Variants in SPATA18 observed in about 807,000 individuals in gnomAD.
SPATA18 encodes the protein mitochondria-eating protein.
A neutral mutation model predicts 68.1 loss-of-function variants in SPATA18; 54 were observed. The observed-to-expected ratio is 0.79, with a 90% CI of 0.64 to 0.99. SPATA18 has a LOEUF of 0.99. SPATA18 is among the 50% of genes least tolerant of loss of function. SPATA18 has a pLI of 0.00. For missense variants in SPATA18, 724 were observed against 681.1 expected (o/e 1.06, Z -0.70); for synonymous variants, 242 against 244.8 (o/e 0.99, Z 0.11).
At chr4:52,070,556 G>T in intron 5 of SPATA18, among the ~76,000 whole-genome samples, 1 of 136,742 alleles carries the variant, frequency 7.3e-6, no homozygotes, top group African/African-American at 2.7e-5. Context: ...AGGGGGGAGG[G>T]ATAGCATTAG....
Position 52,060,775 on chromosome 4 carries a change from A to G in SPATA18, c.194-7A>G, listed in dbSNP as rs1738773279. On this transcript the variant is annotated splice_polypyrimidine_tract_variant and splice_region_variant and intron_variant, in intron 2 of 12. Coordinates refer to ENST00000295213, the MANE Select transcript of SPATA18 (RefSeq NM_145263.4). ...TGCACCCATTAACTCGTCATTTAAC[A>G]TTTTAGGAGGACGTAATGATGGTGT... 2 of 1,613,076 alleles carry G rather than the reference A, an allele frequency of 1.2e-6. No homozygotes were observed. The highest frequency in any genetic ancestry group is 2.7e-5 in the African/African-American group (2 of 74,798).
intron 4 of SPATA18, among the ~76,000 whole-genome samples, chr4:52,064,277 A>G (rs1201411024): frequency 3.3e-5 from 5 of 151,176 alleles, no homozygotes; most frequent in Non-Finnish European, 5.9e-5. Flanking sequence ...CTTAGTTTCT[A>G]TTTTTATGTT....
chr4:52,080,861 G>T (rs1430543143), intron 9 of SPATA18, among the ~76,000 whole-genome samples: 6 of 152,220 alleles, frequency 3.9e-5, no homozygotes, highest in Admixed American at 3.9e-4. Context: ...AGGTTGTAAA[G>T]TTATGCCCAG....
At chr4:52,086,253 T>G (rs1464650523) in intron 11 of SPATA18, among the ~76,000 whole-genome samples, 1 of 152,170 alleles carries the variant, frequency 6.6e-6, no homozygotes, top group East Asian at 1.9e-4. Context: ...GAAACCCAGC[T>G]TCCTTACTGA....
chr4:52,076,110 G>C (rs1241436318), intron 6 of SPATA18, among the ~76,000 whole-genome samples: 4 of 152,178 alleles, frequency 2.6e-5, no homozygotes, highest in Non-Finnish European at 5.9e-5. Flanking sequence ...CGAGGACTCT[G>C]TACTAGTGGT....
At chr4:52,066,263 G>A (rs1312718096) in intron 4 of SPATA18, among the ~76,000 whole-genome samples, 2 of 152,090 alleles carry the variant, frequency 1.3e-5, no homozygotes, top group East Asian at 1.9e-4. Flanking sequence ...CCATTCTCCT[G>A]CCTCAGCCTC....
chr4:52,067,035 T>C (rs1261523359), intron 4 of SPATA18, among the ~76,000 whole-genome samples: 4 of 152,298 alleles, frequency 2.6e-5, no homozygotes, highest in South Asian at 2.1e-4. Flanking sequence ...GATTGCTGGG[T>C]CAAATGGTAT....
At chr4:52,081,529 A>C (rs1360062631) in intron 9 of SPATA18, among the ~76,000 whole-genome samples, 1 of 152,186 alleles carries the variant, frequency 6.6e-6, no homozygotes, top group East Asian at 1.9e-4. Flanking sequence ...CTTTTAAAGA[A>C]AGTGAACTGA....
chr4:52,054,200 A>G (rs567716980), intron 1 of SPATA18, among the ~76,000 whole-genome samples: 1 of 152,378 alleles, frequency 6.6e-6, no homozygotes, highest in South Asian at 2.1e-4. Context: ...AAATTCAGAT[A>G]GCCACATGCA....
chr4:52,060,458 C>T lies in SPATA18; in HGVS notation c.127C>T (p.Leu43Phe), dbSNP rs199772940. The T allele has an allele frequency of 3.1e-6, 5 of 1,614,068 alleles. No individual in the cohort carries two copies. The East Asian group carries it at 8.9e-5, about 29-fold the overall frequency. The change falls in exon 2 of 13, where the codon CTC becomes TTC. Residue 43 changes from leucine to phenylalanine, a missense_variant. Physicochemically the swap from Leu to Phe is conservative, Grantham distance 22. Coordinates refer to ENST00000295213, the MANE Select transcript of SPATA18 (RefSeq NM_145263.4). ...TCAAAATCTAAACCATTGCCTTGAA[C>T]TCATTGAGCAAGTTGCCAAGGTGCA... is the stretch of plus-strand genomic sequence containing the variant. The part of the protein sequence containing the change: ...CDQNLNHCLE[L>F]IEQVAKVQGQ...
rs1044285528 is a variant in SPATA18, at chr4:52,070,658, T to C, written c.518+742T>C. ...ATGTAACTAACCTGCACATTGTGCA[T>C]ATGTACCCTAAAACTTAAAGTATAA... is the stretch of plus-strand genomic sequence containing the variant. On this transcript the variant is annotated intron_variant, in intron 5 of 12. Transcript: ENST00000295213. 1.5e-3 allele frequency among the ~76,000 whole-genome samples: 227 copies of C among 152,060 alleles called. 4 individuals are homozygous for C. Among genetic ancestry groups the C allele is most frequent in the South Asian group, 2.1e-4 (1 of 4,802 alleles).
intron 6 of SPATA18, 70 bp from the exon 7 acceptor site, chr4:52,076,709 C>G (rs984425627): frequency 1.2e-5 from 19 of 1,584,808 alleles, no homozygotes; most frequent in Middle Eastern, 3.4e-4. Context: ...TCATTGGCCA[C>G]CAGATGATCT....
At chr4:52,053,424 G>GCAT (rs1738069798) in intron 1 of SPATA18, among the ~76,000 whole-genome samples, 1 of 152,040 alleles carries the variant, frequency 6.6e-6, no homozygotes, top group Non-Finnish European at 1.5e-5. Context: ...GAGTTTGCAG[G>GCAT]CATCATTATC....
chr4:52,082,535 A>C, intron 10 of SPATA18, 25 bp downstream of exon 10: 1 of 1,613,964 alleles, frequency 6.2e-7, no homozygotes, highest in Non-Finnish European at 8.5e-7. Flanking sequence ...CATAGTGACA[A>C]TTCATCCCAA....
chr4:52,075,159 CTT>C (rs772313496), intron 6 of SPATA18, among the ~76,000 whole-genome samples: 3 of 152,096 alleles, frequency 2.0e-5, no homozygotes, highest in Non-Finnish European at 4.4e-5. Context: ...TGATGATGCT[CTT>C]GTTTGCAATG....
At chr4:52,066,407 C>G (rs1333735798) in intron 4 of SPATA18, among the ~76,000 whole-genome samples, 1 of 152,204 alleles carries the variant, frequency 6.6e-6, no homozygotes, top group Non-Finnish European at 1.5e-5. Context: ...ACCTCAGCCT[C>G]CCAAAGTGCT....
intron 11 of SPATA18, among the ~76,000 whole-genome samples, chr4:52,085,793 C>A (rs1486903261): frequency 6.6e-6 from 1 of 152,000 alleles, no homozygotes; most frequent in African/African-American, 2.4e-5. Context: ...CCTGTAGTCC[C>A]AGCTACTTAG....
At chr4:52,093,218 A>C (rs531184503) in intron 11 of SPATA18, among the ~76,000 whole-genome samples, 1 of 152,362 alleles carries the variant, frequency 6.6e-6, no homozygotes, top group East Asian at 1.9e-4. Context: ...TCAACAAACC[A>C]ATACATCTAT....
At chr4:52,059,785 G>A (rs954599176) in intron 1 of SPATA18, among the ~76,000 whole-genome samples, 3 of 152,240 alleles carry the variant, frequency 2.0e-5, no homozygotes, top group African/African-American at 4.8e-5. Context: ...CTGTTAAGAA[G>A]TAATGTTCTC....
Sources: allele counts gnomAD v4.1 joint callset (sites outside exome capture counted in the v4.1 genomes callset), GRCh38; gene constraint gnomAD v4.1.1; transcripts MANE v1.5; gene names NCBI Gene and HGNC (gene_info 2026-07-23, HGNC 2026-07-21).